Variants in MTHFD1 observed in about 807,000 individuals in gnomAD.
MTHFD1 encodes methylenetetrahydrofolate dehydrogenase, cyclohydrolase and formyltetrahydrofolate synthetase 1.
MTHFD1 carries 44 observed loss-of-function variants against 110.3 expected under a neutral mutation model. The ratio of observed to expected loss-of-function variants is 0.40; its 90% CI spans 0.31 to 0.51. MTHFD1 has a LOEUF of 0.51. Ranked by LOEUF, MTHFD1 falls within the 20% of genes least tolerant of loss-of-function variation. MTHFD1 has a pLI of 0.60. For synonymous variants in MTHFD1, 402 were observed against 428.8 expected (o/e 0.94, Z 0.77); for missense variants, 909 against 1,173.1 (o/e 0.77, Z 3.29).
At chr14:64,425,359 T>C (rs1370978674) in intron 9 of MTHFD1, among the ~76,000 whole-genome samples, 1 of 151,948 alleles carries the variant, frequency 6.6e-6, no homozygotes, top group African/African-American at 2.4e-5. Context: ...ATTACAGGTG[T>C]GCACCACCAC....
chr14:64,457,577 T>C (rs976679199), intron 26 of MTHFD1, among the ~76,000 whole-genome samples: 1 of 151,742 alleles, frequency 6.6e-6, no homozygotes, highest in African/African-American at 2.4e-5. Context: ...TGCCTCAGCC[T>C]CCCAAGTAGC....
intron 16 of MTHFD1, among the ~76,000 whole-genome samples, chr14:64,437,763 T>C (rs1327135758): frequency 6.6e-6 from 1 of 152,224 alleles, no homozygotes; most frequent in Non-Finnish European, 1.5e-5. Context: ...TTATGGTTTA[T>C]TATAAAGGAT....
intron 4 of MTHFD1, 111 bp from the exon 5 acceptor site, chr14:64,415,247 A>G: frequency 1.2e-6 from 1 of 869,434 alleles, no homozygotes; most frequent in Non-Finnish European, 1.9e-6. Flanking sequence ...AAAGGACTAT[A>G]ATTAAAGTGT....
At position 64,411,114 on chromosome 14, in the gene MTHFD1, C is replaced by T; in HGVS notation, c.151C>T (p.Leu51Phe). The T allele has an allele frequency of 6.2e-7, 1 of 1,613,086 alleles. No individual in the cohort carries two copies. The highest frequency in any genetic ancestry group is 8.5e-7 in the Non-Finnish European group (1 of 1,179,432). Residue 51 changes from leucine (L) to phenylalanine (F), a missense_variant, in exon 3 of 28, where the codon CTT becomes TTT. By Grantham distance (22) the Leu-to-Phe change is conservative (BLOSUM62 0). Coordinates refer to ENST00000652337, the MANE Select transcript of MTHFD1 (RefSeq NM_005956.4). ...GGTTGGCAACAGAGATGATTCCAAT[C>T]TTTATATAAATGTGAAGCTGAAGGC... ...LQVGNRDDSNLYINVKLKAAE... is the reference protein window; with the variant it reads ...LQVGNRDDSNFYINVKLKAAE...
At chr14:64,427,776 T>C (rs2078129117) in intron 12 of MTHFD1, among the ~76,000 whole-genome samples, 1 of 152,238 alleles carries the variant, frequency 6.6e-6, no homozygotes, top group African/African-American at 2.4e-5. Context: ...TCATAGCTAC[T>C]GATCATCTTA....
intron 2 of MTHFD1, among the ~76,000 whole-genome samples, chr14:64,406,862 T>A (rs1319002148): frequency 3.3e-5 from 5 of 152,202 alleles, no homozygotes; most frequent in African/African-American, 1.2e-4. Context: ...CTATGTTTTA[T>A]ACTACCCTAC....
chr14:64,445,646 TCTGC>T (rs1566573389), intron 22 of MTHFD1, among the ~76,000 whole-genome samples: 2 of 152,216 alleles, frequency 1.3e-5, no homozygotes, highest in South Asian at 4.1e-4. Flanking sequence ...GTACCTTCAG[TCTGC>T]CTGTCTTCTG....
intron 23 of MTHFD1, chr14:64,449,014 T>C (rs1364958995): frequency 6.7e-6 from 2 of 300,426 alleles, no homozygotes; most frequent in Admixed American, 4.3e-5. Flanking sequence ...TTAGCCAGGA[T>C]GGTCTCGATC....
rs377181293 is a variant in MTHFD1 at position 64,427,327 on chromosome 14, C to T, written c.1128-10C>T. On this transcript the variant is annotated splice_polypyrimidine_tract_variant and intron_variant, in intron 11 of 27. Transcript: ENST00000652337. ...TTTAAACCTTTTTCTCTTTTGCTTT[C>T]GTCTTGAAGAATAACTCCAACACCC... is the stretch of plus-strand genomic sequence containing the variant. The T allele has an allele frequency of 2.0e-4, 318 of 1,614,004 alleles. 5 individuals are homozygous for T. The South Asian group carries it at 2.4e-3, about 12-fold the overall frequency.
chr14:64,442,101 T>C lies in MTHFD1; in HGVS notation c.1932T>C (p.His644=), dbSNP rs545785350. ...VHAGPFANIA[H]GNSSIIADRI... ...CTGGCCCGTTTGCCAACATCGCACA[T>C]GGCAATTCCTCCATCATTGCAGACC... The change falls in exon 20 of 28, where the codon CAT becomes CAC. Residue 644 remains histidine (H), a synonymous_variant. Coordinates refer to ENST00000652337, the MANE Select transcript of MTHFD1 (RefSeq NM_005956.4). 8 of 1,614,184 alleles carry C rather than the reference T, an allele frequency of 5.0e-6. No homozygotes were observed. Among genetic ancestry groups the C allele is most frequent in the Non-Finnish European group, 5.9e-6 (7 of 1,180,020 alleles).
chr14:64,424,922 G>A lies in MTHFD1; in HGVS notation c.846G>A (p.Met282Ile). 6.2e-7 allele frequency: 1 copy of A among 1,614,218 alleles called. No homozygotes were observed. Among genetic ancestry groups the A allele is most frequent in the Non-Finnish European group, 8.5e-7 (1 of 1,180,048 alleles). ...GCGTAGGGCCCATGACAGTTGCAAT[G>A]CTCATGCAGGTAATTGTGAATAAAA... ...PGGVGPMTVA[M>I]LMQSTVESAK... The change falls in exon 9 of 28, where the codon ATG becomes ATA. Residue 282 changes from methionine (M) to isoleucine (I), a missense_variant. Transcript: ENST00000652337.
chr14:64,419,505 T>A (rs956061356), intron 7 of MTHFD1, among the ~76,000 whole-genome samples: 1 of 152,250 alleles, frequency 6.6e-6, no homozygotes, highest in African/African-American at 2.4e-5. Context: ...GAGCAGTGTC[T>A]GGACATAACA....
chr14:64,391,454 T>C (rs1360390140), intron 1 of MTHFD1, among the ~76,000 whole-genome samples: 2 of 152,202 alleles, frequency 1.3e-5, no homozygotes, highest in African/African-American at 2.4e-5. Context: ...TGTGAGCCAC[T>C]GCGCCCCCGC....
intron 8 of MTHFD1, among the ~76,000 whole-genome samples, chr14:64,420,580 T>G (rs1450676055): frequency 2.6e-5 from 4 of 152,206 alleles, no homozygotes; most frequent in African/African-American, 9.7e-5. Context: ...CTGTTCTGAG[T>G]GTCACCACTG....
chr14:64,401,251 C>G (rs758122267), intron 2 of MTHFD1, among the ~76,000 whole-genome samples: 4 of 152,140 alleles, frequency 2.6e-5, no homozygotes, highest in Non-Finnish European at 5.9e-5. Flanking sequence ...TAGCGTTGAA[C>G]TCCTGGCTTC....
chr14:64,421,946 C>A (rs914618854), intron 8 of MTHFD1, among the ~76,000 whole-genome samples: 2 of 152,066 alleles, frequency 1.3e-5, no homozygotes, highest in African/African-American at 4.8e-5. Flanking sequence ...TTTAAAACCT[C>A]GCATCTTCTG....
At position 64,415,355 on chromosome 14, in the gene MTHFD1, T is replaced by C; in HGVS notation, c.241-3T>C. Reference sequence around the variant, plus strand: ...TACAAATTATATATGGTATTACTTTTAGGTGATGAAGTACATTACATCTTT... The same window carrying C: ...TACAAATTATATATGGTATTACTTTCAGGTGATGAAGTACATTACATCTTT... On this transcript the variant is annotated splice_polypyrimidine_tract_variant and splice_region_variant and intron_variant, in intron 4 of 27. Coordinates refer to ENST00000652337, the MANE Select transcript of MTHFD1 (RefSeq NM_005956.4). 6.2e-7 allele frequency: 1 copy of C among 1,606,304 alleles called. No homozygotes were observed. The highest frequency in any genetic ancestry group is 1.3e-5 in the African/African-American group (1 of 74,888).
intron 16 of MTHFD1, 41 bp downstream of exon 16, chr14:64,435,712 T>A (rs995356440): frequency 8.9e-7 from 1 of 1,128,626 alleles, no homozygotes; most frequent in African/African-American, 1.5e-5. Context: ...TTTGGCTATA[T>A]TGCACACCCT....
chr14:64,441,610 T>C lies in MTHFD1; in HGVS notation c.1884+157T>C, dbSNP rs183617712. The stretch of plus-strand genomic sequence containing the variant: ...TCACAAGGTCAGGAGATCGAGACCA[T>C]CCTGGCTAACATGGTGAAACCCCGT... On this transcript the variant is annotated intron_variant, in intron 19 of 27. Coordinates refer to ENST00000652337, the MANE Select transcript of MTHFD1 (RefSeq NM_005956.4). The C allele has an allele frequency of 5.9e-6, 4 of 676,522 alleles. No homozygotes were observed. The South Asian group carries it at 6.0e-5, about 10-fold the overall frequency. 41.9% of individuals were successfully genotyped at this position (676,522 alleles called of 1,614,324 possible). A position where few individuals can be genotyped will look rare whatever the true frequency, so the allele number is the denominator to read the frequency against.
Sources: gnomAD v4.1 joint callset for allele counts (sites outside exome capture counted in the v4.1 genomes callset) on GRCh38, gnomAD v4.1.1 for gene constraint, MANE v1.5 for transcripts, NCBI Gene and HGNC (gene_info 2026-07-23, HGNC 2026-07-21) for gene names.